The following PSMD1 variants were observed in gnomAD, a reference collection of about 807,000 sequenced individuals.
PSMD1 encodes the protein 26S proteasome non-ATPase regulatory subunit 1.
In PSMD1, 18 loss-of-function variants were observed where a neutral mutation model predicts 119.0. The ratio of observed to expected loss-of-function variants is 0.15; its 90% confidence interval spans 0.10 to 0.22. The LOEUF (loss-of-function observed/expected upper bound fraction) is 0.22. Among genes scored for constraint, PSMD1 ranks in the 10% least tolerant of loss-of-function variants. The probability of loss-of-function intolerance (pLI) is 1.00; values close to 1 mark genes in which losing one functional copy is unlikely to be tolerated. For synonymous variants in PSMD1, 374 were observed against 396.6 expected, an observed-to-expected ratio of 0.94 and a Z score of 0.68; for missense variants, 702 against 1,158.5, an observed-to-expected ratio of 0.61 and a Z score of 5.72.
chr2:231,133,227 G>T (rs1031285060), intron 16 of PSMD1, among the ~76,000 whole-genome samples: 7 of 152,138 alleles, frequency 4.6e-5, no homozygotes, highest in African/African-American at 1.7e-4. Context: ...TGAGACCACA[G>T]ATGCGCGCCA....
At chr2:231,098,439 CTG>C (rs977801898) in intron 16 of PSMD1, among the ~76,000 whole-genome samples, 1 of 151,568 alleles carries the variant, frequency 6.6e-6, no homozygotes, top group African/African-American at 2.4e-5. Flanking sequence ...CTTTGTCTCT[CTG>C]TCTCTTTCTC....
At chr2:231,109,521 T>A in intron 16 of PSMD1, 1 of 907,752 alleles carries the variant, frequency 1.1e-6, no homozygotes, top group Non-Finnish European at 1.7e-6. Flanking sequence ...GCATTATAAT[T>A]CCTGGGACCC....
chr2:231,098,435 C>T (rs968002960), intron 16 of PSMD1, among the ~76,000 whole-genome samples: 3 of 151,506 alleles, frequency 2.0e-5, no homozygotes, highest in Admixed American at 6.6e-5. Context: ...CCCTCTTTGT[C>T]TCTCTGTCTC....
intron 16 of PSMD1, 56 bp downstream of exon 16, chr2:231,087,237 T>A: frequency 1.4e-6 from 2 of 1,444,582 alleles, no homozygotes; most frequent in South Asian, 1.2e-5. Context: ...GGAAATGTAG[T>A]AGTCACTACC....
At chr2:231,067,198 A>G in intron 5 of PSMD1, 87 bp downstream of exon 5, 1 of 1,036,182 alleles carries the variant, frequency 9.7e-7, no homozygotes, top group South Asian at 1.9e-5. Flanking sequence ...ATAGGCAGTG[A>G]AAAGAAAATC....
intron 1 of PSMD1, among the ~76,000 whole-genome samples, chr2:231,059,562 CAT>C (rs748941901): frequency 6.6e-6 from 1 of 152,072 alleles, no homozygotes; most frequent in African/African-American, 2.4e-5. Context: ...CTTTTTTAAA[CAT>C]AATACAGACA....
Position 231,161,407 on chromosome 2 carries a change from C to T in PSMD1, c.2286C>T (p.Gly762=). The T allele has an allele frequency of 4.3e-6, 7 of 1,613,728 alleles. No individual in the cohort carries two copies. The highest frequency in any genetic ancestry group is 5.9e-6 in the Non-Finnish European group (7 of 1,179,664). Residue 762 remains glycine (G), a synonymous_variant, in exon 20 of 25, where the codon GGC becomes GGT. Coordinates refer to ENST00000308696, the MANE Select transcript of PSMD1 (RefSeq NM_002807.4). ...TGHTHMPSVV[G]VLVFTQFWFW... The stretch of plus-strand genomic sequence containing the variant: ...ATACTCATATGCCTTCTGTGGTTGG[C>T]GTCCTTGTATTTACCCAGTTTTGGT...
intron 16 of PSMD1, among the ~76,000 whole-genome samples, chr2:231,111,398 A>C (rs1458494769): frequency 6.6e-6 from 1 of 152,170 alleles, no homozygotes; most frequent in Non-Finnish European, 1.5e-5. Context: ...GACTTCATTC[A>C]TCTCAGTTTT....
At chr2:231,124,594 A>T (rs889850120) in intron 16 of PSMD1, among the ~76,000 whole-genome samples, 24 of 152,214 alleles carry the variant, frequency 1.6e-4, no homozygotes, top group African/African-American at 4.3e-4. Context: ...AGGAAAAAAA[A>T]AGGTATTACT....
chr2:231,138,652 C>A, intron 16 of PSMD1, 84 bp from the exon 17 acceptor site: 2 of 1,027,064 alleles, frequency 1.9e-6, no homozygotes, highest in Non-Finnish European at 3.0e-6. Context: ...ATAACTTTTT[C>A]AAAAACAACT....
At position 231,075,581 on chromosome 2, in the gene PSMD1, C is replaced by CT. The variant is rs375110868; in HGVS notation, c.942+21dup. 35,648 of 1,071,078 alleles carry CT rather than the reference C, an allele frequency of 0.033. No homozygotes were observed. The highest frequency in any genetic ancestry group is 0.046 in the South Asian group (2,562 of 56,004). 66.3% of individuals were successfully genotyped at this position (1,071,078 alleles called of 1,614,324 possible). A position where few individuals can be genotyped will look rare whatever the true frequency, so the allele number is the denominator to read the frequency against. On this transcript the variant is annotated intron_variant, in intron 8 of 24. Transcript: ENST00000308696. The stretch of plus-strand genomic sequence containing the variant: ...AAAGACACCAGAAGCCGTGAGTGTG[C>CT]TTTTTTTTTTTCCTTTGAGACAGGG...
chr2:231,159,912 G>A (rs1168591570), intron 19 of PSMD1, among the ~76,000 whole-genome samples: 1 of 152,190 alleles, frequency 6.6e-6, no homozygotes, highest in Non-Finnish European at 1.5e-5. Flanking sequence ...CGCGTGCGCG[G>A]TTCACAATAA....
chr2:231,170,809 T>A lies in PSMD1; in HGVS notation c.*9+88T>A. 3.7e-6 allele frequency: 5 copies of A among 1,366,218 alleles called. No homozygotes were observed. The highest frequency in any genetic ancestry group is 4.9e-6 in the Non-Finnish European group (5 of 1,019,028). 84.6% of individuals were successfully genotyped at this position (1,366,218 alleles called of 1,614,324 possible). A position where few individuals can be genotyped will look rare whatever the true frequency, so the allele number is the denominator to read the frequency against. On this transcript the variant is annotated intron_variant, in intron 24 of 24. Coordinates refer to ENST00000308696, the MANE Select transcript of PSMD1 (RefSeq NM_002807.4). This position sits in a 1 kb window ranked among gnomAD's most constrained non-coding sequence, Gnocchi z 4.1. ...CAAGGACATCATCTCACGTTTTTCC[T>A]TCCTTTTGTGTTTAATCCTTATTTA... is the stretch of plus-strand genomic sequence containing the variant.
chr2:231,160,718 C>A (rs1158130416), intron 19 of PSMD1, among the ~76,000 whole-genome samples: 1 of 152,152 alleles, frequency 6.6e-6, no homozygotes, highest in Non-Finnish European at 1.5e-5. Flanking sequence ...TTTTGATACC[C>A]TTCAGGCCTA....
rs372678353 is a variant in PSMD1 at position 231,137,412 on chromosome 2, C to T, written c.1884-1324C>T. Among the ~76,000 whole-genome samples, 10 of 152,112 alleles carry T rather than the reference C, an allele frequency of 6.6e-5. No individual in the cohort carries two copies. In the South Asian group the frequency reaches 2.1e-3, roughly 32 times the overall value. On this transcript the variant is annotated intron_variant, in intron 16 of 24. Transcript: ENST00000308696. ...TTACAGGCATGAGCCACTGTGCCCG[C>T]CTTTAATACACATTCTTATGTGTGT...
chr2:231,074,388 G>C (rs1481219422), intron 7 of PSMD1, among the ~76,000 whole-genome samples: 1 of 152,172 alleles, frequency 6.6e-6, no homozygotes, highest in Non-Finnish European at 1.5e-5. Context: ...TTACGGGTGT[G>C]AGCCACCATA....
In PSMD1 at chr2:231,103,628, C is replaced by A. The variant is rs147000267; in HGVS notation, c.1883+16447C>A. Among the ~76,000 whole-genome samples, 181 of 152,232 alleles carry A rather than the reference C, an allele frequency of 1.2e-3. 1 individual carries two copies. The highest frequency in any genetic ancestry group is 3.9e-3 in the African/African-American group (164 of 41,534). Reference sequence around the variant, plus strand: ...TCATTTACATTCTTTTTGTACTTTGCAGTTTTCTGTTTTTCTTCCAAAATT... The same window carrying A: ...TCATTTACATTCTTTTTGTACTTTGAAGTTTTCTGTTTTTCTTCCAAAATT... On this transcript the variant is annotated intron_variant, in intron 16 of 24. Transcript: ENST00000308696.
intron 16 of PSMD1, among the ~76,000 whole-genome samples, chr2:231,131,402 T>C (rs568038693): frequency 4.0e-4 from 61 of 152,340 alleles, no homozygotes; most frequent in South Asian, 1.9e-3. Context: ...TGTGTGTATA[T>C]ATAAAGATTA....
At chr2:231,156,403 T>G (rs1696506725) in intron 19 of PSMD1, among the ~76,000 whole-genome samples, 1 of 152,148 alleles carries the variant, frequency 6.6e-6, no homozygotes, top group Admixed American at 6.5e-5. Context: ...TTGTACATTT[T>G]ATGGGTTTTG....
Sources: allele counts gnomAD v4.1 joint callset (sites outside exome capture counted in the v4.1 genomes callset), GRCh38; gene constraint gnomAD v4.1.1; non-coding constraint Gnocchi (gnomAD v3.1); transcripts MANE v1.5; gene names NCBI Gene and HGNC (gene_info 2026-07-23, HGNC 2026-07-21).